ANKRD28: variants seen among roughly 807,000 people sequenced by gnomAD.
ANKRD28 encodes ankyrin repeat domain 28.
A neutral mutation model predicts 126.5 loss-of-function variants in ANKRD28; 44 were observed. That is an observed-to-expected ratio of 0.35 (90% CI 0.27 to 0.45). The LOEUF (loss-of-function observed/expected upper bound fraction) is 0.45, where lower values mean the gene tolerates loss of function less well. ANKRD28 is among the 20% of genes least tolerant of loss of function. ANKRD28 has a pLI of 1.00. For missense variants in ANKRD28, 1,110 were observed against 1,316.6 expected, an observed-to-expected ratio of 0.84 and a Z score of 2.43; for synonymous variants, 442 against 468.5, an observed-to-expected ratio of 0.94 and a Z score of 0.73.
chr3:15,707,864 T>C (rs1205317105), intron 14 of ANKRD28, 60 bp downstream of exon 14: 12 of 1,562,342 alleles, frequency 7.7e-6, no homozygotes, highest in African/African-American at 2.7e-5. Context: ...AAAACATCCA[T>C]ATGGAAGATG....
At chr3:15,742,757 G>T (rs1466610044) in intron 4 of ANKRD28, among the ~76,000 whole-genome samples, 1 of 130,356 alleles carries the variant, frequency 7.7e-6, no homozygotes, top group Non-Finnish European at 1.6e-5. Context: ...GAGGTGAGGG[G>T]GTCAGCCCCC....
chr3:15,703,248 T>C lies in ANKRD28; in HGVS notation c.1547+4676A>G, dbSNP rs567424392. ...CCTCTACACACAAAAAACTGCATGA[T>C]CCCATTTTTATGAAGTTTGAAAACA... On this transcript the variant is annotated intron_variant, in intron 14 of 27. Coordinates refer to ENST00000683139, the MANE Select transcript of ANKRD28 (RefSeq NM_001349278.2). 2.2e-3 allele frequency among the ~76,000 whole-genome samples: 334 copies of C among 152,308 alleles called. 1 individual carries two copies. Among genetic ancestry groups the C allele is most frequent in the Non-Finnish European group, 3.1e-3 (209 of 68,016 alleles).
chr3:15,794,592 C>G lies in ANKRD28; in HGVS notation c.201+631G>C, dbSNP rs975334922. ...AATACTGGCCACTGAAAAAACATAA[C>G]AGAGAGAGAAAATTATCCATATATC... On this transcript the variant is annotated intron_variant, in intron 2 of 27. Coordinates refer to ENST00000683139, the MANE Select transcript of ANKRD28 (RefSeq NM_001349278.2). Among the ~76,000 whole-genome samples, 18 of 150,538 alleles carry G rather than the reference C, an allele frequency of 1.2e-4. 1 individual carries two copies. The highest frequency in any genetic ancestry group is 3.2e-4 in the African/African-American group (13 of 41,078).
chr3:15,769,956 T>C (rs1575609444), intron 2 of ANKRD28, among the ~76,000 whole-genome samples: 4 of 151,648 alleles, frequency 2.6e-5, no homozygotes, highest in African/African-American at 9.7e-5. Flanking sequence ...TAATGCACTG[T>C]GAGTATGGTC....
rs1316935246 is a variant in ANKRD28 at position 15,830,705 on chromosome 3, T to C, written c.27+28672A>G. Among the ~76,000 whole-genome samples, 1 of 151,980 alleles carries C rather than the reference T, an allele frequency of 6.6e-6. No homozygotes were observed. Among genetic ancestry groups the C allele is most frequent in the Non-Finnish European group, 1.5e-5 (1 of 67,940 alleles). The stretch of plus-strand genomic sequence containing the variant: ...AAAGGTTTGGCCCTTGCTCAGCTCC[T>C]AGGAGGTAACTGCTAACCCCTTGGA... On this transcript the variant is annotated intron_variant, in intron 1 of 27. Coordinates refer to the ANKRD28 transcript ENST00000399451. The surrounding 1 kb of genome is among the most constrained non-coding windows in gnomAD (Gnocchi z 4.5).
rs2060314316 is a variant in ANKRD28, at chr3:15,797,199, AAAAC to A, written c.-682_-679del. 3.2e-6 allele frequency: 3 copies of A among 924,998 alleles called. No individual in the cohort carries two copies. Among genetic ancestry groups the A allele is most frequent in the Admixed American group, 1.0e-4 (1 of 9,752 alleles). The allele number at this position is 924,998 out of a possible 1,614,324, so 57.3% of individuals were successfully genotyped here. A position where few individuals can be genotyped will look rare whatever the true frequency, so the allele number is the denominator to read the frequency against. The stretch of plus-strand genomic sequence containing the variant: ...CTTTCAGTGTTTGGGAAAGGGGCAA[AAAAC>A]AAAAACAAAAAAAAAAAAACCACTC... On this transcript the variant is annotated 5_prime_UTR_variant, in exon 1 of 28. It removes the in-frame stop codon of an upstream open reading frame in the 5' UTR. Coordinates refer to ENST00000683139, the MANE Select transcript of ANKRD28 (RefSeq NM_001349278.2).
At chr3:15,824,725 CTGAG>C (rs1339583088) in intron 1 of ANKRD28, among the ~76,000 whole-genome samples, 3 of 152,216 alleles carry the variant, frequency 2.0e-5, no homozygotes, top group Non-Finnish European at 2.9e-5. Context: ...TATTGGTGTG[CTGAG>C]TGTGTGCATG....
intron 1 of ANKRD28, among the ~76,000 whole-genome samples, chr3:15,847,036 A>G (rs191219030): frequency 1.4e-4 from 21 of 152,332 alleles, no homozygotes; most frequent in African/African-American, 4.6e-4. Context: ...CTTTACCACA[A>G]GAGGTTTTAA....
At chr3:15,857,933 C>A (rs1380502613) in intron 1 of ANKRD28, among the ~76,000 whole-genome samples, 3 of 152,224 alleles carry the variant, frequency 2.0e-5, no homozygotes, top group Admixed American at 1.3e-4. Flanking sequence ...GTAAAGGTTA[C>A]TGGAAAACCC....
chr3:15,746,182 G>GGA (rs2057464901), intron 4 of ANKRD28, among the ~76,000 whole-genome samples: 2 of 152,222 alleles, frequency 1.3e-5, no homozygotes, highest in South Asian at 4.1e-4. Flanking sequence ...CCTCTTTACT[G>GGA]ATTTGGATGC....
intron 2 of ANKRD28, chr3:15,781,486 AAT>A (rs2059538037): frequency 6.6e-6 from 1 of 152,142 alleles, no homozygotes; most frequent in Non-Finnish European, 1.5e-5. Context: ...CATATACCAA[AAT>A]ATTACATTGT....
At chr3:15,793,570 G>A (rs961506645) in intron 2 of ANKRD28, among the ~76,000 whole-genome samples, 18 of 151,982 alleles carry the variant, frequency 1.2e-4, no homozygotes, top group African/African-American at 4.1e-4. Flanking sequence ...CCTGGTAAAT[G>A]GAATTATAGT....
chr3:15,714,499 C>T, intron 9 of ANKRD28, 79 bp downstream of exon 9: 1 of 977,624 alleles, frequency 1.0e-6, no homozygotes, highest in Non-Finnish European at 1.5e-6. Context: ...TCCTCAATAC[C>T]ATTCATTTGG....
At position 15,797,396 on chromosome 3, in the gene ANKRD28, C is replaced by G; in HGVS notation, c.-875G>C. On this transcript the variant is annotated 5_prime_UTR_variant, in exon 1 of 28. The change abolishes an upstream ATG in the 5' untranslated region. Coordinates refer to ENST00000683139, the MANE Select transcript of ANKRD28 (RefSeq NM_001349278.2). The stretch of plus-strand genomic sequence containing the variant: ...GATAGCATAAGCAAGGCAGAGCGTT[C>G]ATTCTTTCTCCATCAGGCAGTTGTC... 1.0e-6 allele frequency: 1 copy of G among 985,346 alleles called. No homozygotes were observed. Among genetic ancestry groups the G allele is most frequent in the Non-Finnish European group, 1.2e-6 (1 of 829,936 alleles). 61.0% of individuals were successfully genotyped at this position (985,346 alleles called of 1,614,324 possible).
intron 1 of ANKRD28, among the ~76,000 whole-genome samples, chr3:15,820,085 T>C (rs1396148489): frequency 1.3e-5 from 2 of 152,152 alleles, no homozygotes; most frequent in Non-Finnish European, 2.9e-5. Context: ...ATGAAAACAT[T>C]AGGTAAAGGG....
In ANKRD28 at chr3:15,741,697, C is replaced by CTTTTT. The variant is rs58655271; in HGVS notation, c.352-4469_352-4465dup. 1.3e-3 allele frequency among the ~76,000 whole-genome samples: 43 copies of CTTTTT among 33,652 alleles called. 4 individuals are homozygous for CTTTTT. Among genetic ancestry groups the CTTTTT allele is most frequent in the African/African-American group, 3.3e-3 (37 of 11,118 alleles). 22.1% of individuals were successfully genotyped at this position (33,652 alleles called of 152,430 possible). A position where few individuals can be genotyped will look rare whatever the true frequency, so the allele number is the denominator to read the frequency against. On this transcript the variant is annotated intron_variant, in intron 4 of 27. Transcript: ENST00000683139. ...ACCAGTTTTCCCCTTTGGTTCTATC[C>CTTTTT]TTTTTTTTTTTTTTTTTTTTTTTTT...
chr3:15,708,497 A>T (rs896123286), intron 13 of ANKRD28, among the ~76,000 whole-genome samples: 1 of 152,218 alleles, frequency 6.6e-6, no homozygotes, highest in African/African-American at 2.4e-5. Flanking sequence ...TAGAAGAAAC[A>T]TTAAAAAAAA....
chr3:15,698,639 A>C (rs1447118986), intron 14 of ANKRD28, among the ~76,000 whole-genome samples: 1 of 152,228 alleles, frequency 6.6e-6, no homozygotes, highest in African/African-American at 2.4e-5. Context: ...TCCCATTCAC[A>C]ACTGCTACAA....
chr3:15,787,149 T>C (rs1281642383), intron 2 of ANKRD28, among the ~76,000 whole-genome samples: 1 of 152,112 alleles, frequency 6.6e-6, no homozygotes, highest in Non-Finnish European at 1.5e-5. Context: ...GACTGACTCC[T>C]AAAATACACT....
Sources: gnomAD v4.1 joint callset for allele counts (sites outside exome capture counted in the v4.1 genomes callset) on GRCh38, gnomAD v4.1.1 for gene constraint, Gnocchi (gnomAD v3.1) non-coding constraint, MANE v1.5 for transcripts, NCBI Gene and HGNC (gene_info 2026-07-23, HGNC 2026-07-21) for gene names.